The following RELT variants were observed in gnomAD, a reference collection of about 807,000 sequenced individuals.
RELT encodes the protein RELT TNF receptor.
Under a neutral mutation model 51.1 loss-of-function variants are expected in RELT, and 37 were observed. The ratio of observed to expected loss-of-function variants is 0.72; its 90% CI spans 0.56 to 0.95. RELT has a LOEUF of 0.95. Ranked by LOEUF, RELT falls within the 40% of genes least tolerant of loss-of-function variation. The probability of loss-of-function intolerance (pLI) is 0.00; values close to 1 mark genes in which losing one functional copy is unlikely to be tolerated. For synonymous variants in RELT, 241 were observed against 235.7 expected (o/e 1.02, Z -0.21); for missense variants, 535 against 572.6 (o/e 0.93, Z 0.67).
intron 1 of RELT, among the ~76,000 whole-genome samples, chr11:73,387,868 G>A (rs991867205): frequency 1.3e-5 from 2 of 152,058 alleles, no homozygotes; most frequent in Non-Finnish European, 2.9e-5. Flanking sequence ...CAGCCGCGGC[G>A]GCCCTGAGCC....
chr11:73,380,212 C>A (rs1590728587), intron 1 of RELT, among the ~76,000 whole-genome samples: 1 of 152,170 alleles, frequency 6.6e-6, no homozygotes, highest in East Asian at 1.9e-4. Flanking sequence ...GAGACCTCTT[C>A]CTGAGGAAGG....
chr11:73,391,258 G>C, intron 5 of RELT, 35 bp downstream of exon 5: 6 of 1,587,864 alleles, frequency 3.8e-6, no homozygotes, highest in Non-Finnish European at 5.2e-6. Context: ...CTGGTGCAGG[G>C]GTATGTGCGG....
At chr11:73,380,038 C>T (rs118109347) in intron 1 of RELT, among the ~76,000 whole-genome samples, 271 of 152,316 alleles carry the variant, frequency 1.8e-3, no homozygotes, top group Non-Finnish European at 3.4e-3. Context: ...CCTCCTGGCC[C>T]GAAATTAGTC....
chr11:73,392,352 C>T lies in RELT; in HGVS notation c.509C>T (p.Pro170Leu). The T allele has an allele frequency of 6.2e-7, 1 of 1,613,874 alleles. No homozygotes were observed. The highest frequency in any genetic ancestry group is 1.1e-5 in the South Asian group (1 of 91,088). The change falls in exon 6 of 11, where the codon CCT becomes CTT. Residue 170 changes from proline (P) to leucine (L), a missense_variant. Pro to Leu is a moderately conservative substitution (Grantham distance 98). Coordinates refer to ENST00000064780, the MANE Select transcript of RELT (RefSeq NM_152222.2). ...AAQYAVIAIV[P>L]VFCLMGLLGI... ...CAGTACGCGGTCATCGCCATCGTCC[C>T]TGTCTTCTGCCTCATGGGGCTGTTG...
chr11:73,394,054 C>A lies in RELT; in HGVS notation c.706+137C>A. 1 of 1,003,972 alleles carries A rather than the reference C, an allele frequency of 1.0e-6. No homozygotes were observed. The highest frequency in any genetic ancestry group is 1.5e-6 in the Non-Finnish European group (1 of 650,222). The allele number at this position is 1,003,972 out of a possible 1,614,324, so 62.2% of individuals were successfully genotyped here. ...AGGGTGCCTCAAGCAGCCTGGTGCT[C>A]TCTGACCCAGGAGTGCACACCTCTG... is the stretch of plus-strand genomic sequence containing the variant. On this transcript the variant is annotated intron_variant, in intron 7 of 10. Coordinates refer to ENST00000064780, the MANE Select transcript of RELT (RefSeq NM_152222.2). This position sits in a 1 kb window ranked among gnomAD's most constrained non-coding sequence, Gnocchi z 4.9.
chr11:73,378,285 G>A (rs966559399), intron 1 of RELT, among the ~76,000 whole-genome samples: 1 of 151,792 alleles, frequency 6.6e-6, no homozygotes, highest in Non-Finnish European at 1.5e-5. Flanking sequence ...GTAGAATCTG[G>A]AAGTTCTGTC....
At chr11:73,395,306 C>T (rs2134458083) in intron 10 of RELT, 21 bp downstream of exon 10, 1 of 1,611,372 alleles carries the variant, frequency 6.2e-7, no homozygotes, top group Non-Finnish European at 8.5e-7. Context: ...AGGAGAAAGG[C>T]ATCTGTTGGC....
Position 73,394,643 on chromosome 11 carries a change from G to C in RELT, c.955G>C (p.Val319Leu). The change falls in exon 9 of 11, where the codon GTT (valine) becomes CTT (leucine). Residue 319 changes from valine to leucine, a missense_variant. Physicochemically the swap from Val to Leu is conservative, Grantham distance 32 (BLOSUM62 1). Coordinates refer to ENST00000064780, the MANE Select transcript of RELT (RefSeq NM_152222.2). This position sits in a 1 kb window ranked among gnomAD's most constrained non-coding sequence, Gnocchi z 4.9. ...SPEAVAATTPVPSLLPNPTRV... is the reference protein window; with the variant it reads ...SPEAVAATTPLPSLLPNPTRV... ...TGAGGCTGTAGCCGCCACTACTCCT[G>C]TTCCCAGCCTTCTGCCTAACCCGAC... The C allele has an allele frequency of 6.2e-7, 1 of 1,613,842 alleles. No individual in the cohort carries two copies. Among genetic ancestry groups the C allele is most frequent in the Non-Finnish European group, 8.5e-7 (1 of 1,180,024 alleles).
Position 73,394,173 on chromosome 11 carries a change from G to T in RELT, c.707-63G>T. 1.4e-6 allele frequency: 2 copies of T among 1,453,816 alleles called. No homozygotes were observed. The highest frequency in any genetic ancestry group is 2.4e-5 in the South Asian group (2 of 82,418). 90.1% of individuals were successfully genotyped at this position (1,453,816 alleles called of 1,614,324 possible). A position where few individuals can be genotyped will look rare whatever the true frequency, so the allele number is the denominator to read the frequency against. On this transcript the variant is annotated intron_variant, in intron 7 of 10. Coordinates refer to ENST00000064780, the MANE Select transcript of RELT (RefSeq NM_152222.2). The surrounding 1 kb of genome is among the most constrained non-coding windows in gnomAD (Gnocchi z 4.9). ...GGGTAGGTGGGGGGTTCTCTGCTGG[G>T]GCAGGGGGTGGGAGGTGTGTCCCAT...
At position 73,392,403 on chromosome 11, in the gene RELT, AG is replaced by A. The variant is rs758372956; in HGVS notation, c.561del (p.Lys187AsnfsTer44). 3 of 1,613,604 alleles carry A rather than the reference AG, an allele frequency of 1.9e-6. No individual in the cohort carries two copies. In the South Asian group the frequency reaches 3.3e-5, roughly 18 times the overall value. The part of the protein sequence containing the change: ...LLGILVCNLL[K>X]RKGYHCTAHK... ...GGCATCCTGGTGTGCAACCTCCTCA[AG>A]CGGAAGGGCTACCACTGCACGGCGC... On this transcript the variant is annotated frameshift_variant, in exon 6 of 11. Coordinates refer to ENST00000064780, the MANE Select transcript of RELT (RefSeq NM_152222.2). LOFTEE classifies it high-confidence loss of function.
In RELT at chr11:73,390,745, C is replaced by T. The variant is rs758077389; in HGVS notation, c.121-10C>T. 2.2e-4 allele frequency: 356 copies of T among 1,606,544 alleles called. No homozygotes were observed. The highest frequency in any genetic ancestry group is 2.9e-4 in the Non-Finnish European group (336 of 1,176,566). On this transcript the variant is annotated splice_polypyrimidine_tract_variant and intron_variant, in intron 3 of 10. Coordinates refer to ENST00000064780, the MANE Select transcript of RELT (RefSeq NM_152222.2). Reference sequence around the variant, plus strand: ...CTCCTGGCCATGCTCTCACCCTTTACCTCCCACAGGACCCAGGGCAGGGCA... The same window carrying T: ...CTCCTGGCCATGCTCTCACCCTTTATCTCCCACAGGACCCAGGGCAGGGCA...
chr11:73,392,118 C>G, intron 5 of RELT, 93 bp from the exon 6 acceptor site: 1 of 1,449,110 alleles, frequency 6.9e-7, no homozygotes, highest in Non-Finnish European at 9.3e-7. Context: ...ATTGGCTCTC[C>G]TGCAGCCCCC....
At position 73,395,204 on chromosome 11, in the gene RELT, C is replaced by T. The variant is rs760908563; in HGVS notation, c.1164C>T (p.Leu388=). 37 of 1,612,968 alleles carry T rather than the reference C, an allele frequency of 2.3e-5. No individual in the cohort carries two copies. In the East Asian group the frequency reaches 2.9e-4, roughly 13 times the overall value. ...TCCCTGACTCCCCACAGCCTGGCCTCCCCCCTGAGCAGCAGGCCCTGCTAG... is the reference window on the plus strand; with the variant it reads ...TCCCTGACTCCCCACAGCCTGGCCTTCCCCCTGAGCAGCAGGCCCTGCTAG... ...GDLPDSPQPG[L]PPEQQALLGS... Residue 388 remains leucine (L), a synonymous_variant, in exon 10 of 11, where the codon CTC becomes CTT. Coordinates refer to ENST00000064780, the MANE Select transcript of RELT (RefSeq NM_152222.2).
Position 73,392,711 on chromosome 11 carries a change from G to A in RELT, c.625+243G>A, listed in dbSNP as rs1013248587. 8 of 1,415,260 alleles carry A rather than the reference G, an allele frequency of 5.7e-6. 1 individual carries two copies. The African/African-American group carries it at 7.2e-5, about 13-fold the overall frequency. 87.7% of individuals were successfully genotyped at this position (1,415,260 alleles called of 1,614,324 possible). ...TTCAGTGGATCCTACCCTGGGTGAA[G>A]CCTTGCCCAGATGTGGGGATCTGGA... is the stretch of plus-strand genomic sequence containing the variant. On this transcript the variant is annotated intron_variant, in intron 6 of 10. Coordinates refer to ENST00000064780, the MANE Select transcript of RELT (RefSeq NM_152222.2).
chr11:73,392,902 G>A (rs1866241659), intron 6 of RELT: 1 of 1,033,792 alleles, frequency 9.7e-7, no homozygotes, highest in African/African-American at 1.7e-5. Flanking sequence ...AGGGGCTCGG[G>A]TTTTGGTTCC....
At chr11:73,382,442 A>G (rs965163455) in intron 1 of RELT, among the ~76,000 whole-genome samples, 3 of 152,206 alleles carry the variant, frequency 2.0e-5, no homozygotes, top group African/African-American at 7.2e-5. Context: ...GTAGCAGAGC[A>G]TGAGCCGGGG....
intron 1 of RELT, among the ~76,000 whole-genome samples, chr11:73,386,977 G>T (rs1166303615): frequency 4.8e-5 from 7 of 146,310 alleles, no homozygotes; most frequent in African/African-American, 1.8e-4. Flanking sequence ...ATGGAGTCTT[G>T]CTCTGTCGCC....
At chr11:73,377,358 G>A (rs998410842) in intron 1 of RELT, among the ~76,000 whole-genome samples, 1 of 151,936 alleles carries the variant, frequency 6.6e-6, no homozygotes, top group Non-Finnish European at 1.5e-5. Flanking sequence ...GACACCTTCC[G>A]GCAGATGTGG....
intron 1 of RELT, among the ~76,000 whole-genome samples, chr11:73,379,640 A>G (rs915157135): frequency 9.2e-5 from 14 of 152,060 alleles, no homozygotes; most frequent in African/African-American, 3.4e-4. Context: ...CTGTGTCCAC[A>G]CTTTCCCTGG....
Sources: allele counts gnomAD v4.1 joint callset (sites outside exome capture counted in the v4.1 genomes callset), GRCh38; gene constraint gnomAD v4.1.1; non-coding constraint Gnocchi (gnomAD v3.1); transcripts MANE v1.5; gene names NCBI Gene and HGNC (gene_info 2026-07-23, HGNC 2026-07-21).